SCRG1: variants seen among roughly 807,000 people sequenced by gnomAD.
SCRG1 encodes stimulator of chondrogenesis 1.
Under a neutral mutation model 7.7 loss-of-function variants are expected in SCRG1, and 3 were observed. That is an observed-to-expected ratio of 0.39 (90% confidence interval 0.18 to 1.01). SCRG1 has a LOEUF of 1.01. Ranked by LOEUF, SCRG1 falls within the 50% of genes least tolerant of loss-of-function variation. The pLI, the probability that SCRG1 is intolerant of heterozygous loss-of-function variation, is 0.36. For missense variants in SCRG1, 110 were observed against 117.2 expected (o/e 0.94, Z 0.28); for synonymous variants, 46 against 41.2 (o/e 1.12, Z -0.44).
At chr4:173,445,280 A>C in the SCRG1 span, among the ~76,000 whole-genome samples, 11 of 152,256 alleles carry the variant, frequency 7.2e-5, no homozygotes, top group Non-Finnish European at 8.8e-5. Context: ...ACCACAGAAA[A>C]TATAGAAAAT....
At chr4:173,431,717 A>G in the SCRG1 span, among the ~76,000 whole-genome samples, 25 of 152,194 alleles carry the variant, frequency 1.6e-4, no homozygotes, top group Non-Finnish European at 2.6e-4. Context: ...ATAAGAGGCA[A>G]AACTTCCAGG....
the SCRG1 span, among the ~76,000 whole-genome samples, chr4:173,486,550 A>G: frequency 6.6e-6 from 1 of 151,948 alleles, no homozygotes. Flanking sequence ...CAGCTTTTGC[A>G]TTTAACACAC....
At chr4:173,494,378 G>A in the SCRG1 span, among the ~76,000 whole-genome samples, 1 of 152,124 alleles carries the variant, frequency 6.6e-6, no homozygotes, top group African/African-American at 2.4e-5. Context: ...AGGACATTCC[G>A]TTTTCCTTTA....
At chr4:173,452,729 T>C in the SCRG1 span, among the ~76,000 whole-genome samples, 2 of 152,126 alleles carry the variant, frequency 1.3e-5, no homozygotes, top group Non-Finnish European at 2.9e-5. Context: ...AAAGGATGAG[T>C]ATGGACTGAA....
the SCRG1 span, among the ~76,000 whole-genome samples, chr4:173,461,844 C>G: frequency 6.6e-6 from 1 of 150,586 alleles, no homozygotes; most frequent in African/African-American, 2.4e-5. Context: ...AGAATTCTAT[C>G]AGCTAAATTG....
At chr4:173,496,038 G>T in the SCRG1 span, among the ~76,000 whole-genome samples, 4 of 152,136 alleles carry the variant, frequency 2.6e-5, no homozygotes, top group Non-Finnish European at 5.9e-5. Flanking sequence ...AGATATGAAG[G>T]CAAAAGAAAC....
At chr4:173,448,277 GC>G in the SCRG1 span, among the ~76,000 whole-genome samples, 1 of 152,192 alleles carries the variant, frequency 6.6e-6, no homozygotes. Flanking sequence ...GCATCTGCTG[GC>G]CTGGCCATCT....
At chr4:173,433,237 C>G in the SCRG1 span, among the ~76,000 whole-genome samples, 1 of 152,288 alleles carries the variant, frequency 6.6e-6, no homozygotes, top group Non-Finnish European at 1.5e-5. Flanking sequence ...GGAATTCACA[C>G]TGAATAAATT....
chr4:173,479,822 G>A, the SCRG1 span, among the ~76,000 whole-genome samples: 2 of 152,146 alleles, frequency 1.3e-5, no homozygotes, highest in African/African-American at 2.4e-5. Context: ...GATGACTAGC[G>A]AATTGACAAA....
At chr4:173,496,754 T>A in the SCRG1 span, among the ~76,000 whole-genome samples, 1 of 152,286 alleles carries the variant, frequency 6.6e-6, no homozygotes, top group Non-Finnish European at 1.5e-5. Flanking sequence ...TGATTAAGTA[T>A]TGCCCAGGGA....
upstream of SCRG1, among the ~76,000 whole-genome samples, chr4:173,400,142 G>C (rs1477783951): frequency 2.6e-5 from 4 of 152,132 alleles, no homozygotes; most frequent in Admixed American, 1.3e-4. Context: ...AAGAAGGATG[G>C]TTTCCTGGGA....
chr4:173,467,233 T>TG, the SCRG1 span, among the ~76,000 whole-genome samples: 2 of 9,166 alleles, frequency 2.2e-4, no homozygotes, highest in South Asian at 0.018. Flanking sequence ...AGCAGTCCAT[T>TG]GGAAAAAAAA....
intron 1 of SCRG1, among the ~76,000 whole-genome samples, chr4:173,397,275 A>G (rs896692964): frequency 6.6e-6 from 1 of 152,176 alleles, no homozygotes; most frequent in Non-Finnish European, 1.5e-5. Flanking sequence ...ATATATGTTC[A>G]AGTGCCAACA....
chr4:173,471,582 GA>G, the SCRG1 span, among the ~76,000 whole-genome samples: 12 of 148,354 alleles, frequency 8.1e-5, no homozygotes, highest in East Asian at 3.9e-4. Flanking sequence ...ATTTCAGAGT[GA>G]AAAAAAAAAT....
the SCRG1 span, among the ~76,000 whole-genome samples, chr4:173,437,534 A>G: frequency 6.6e-6 from 1 of 152,252 alleles, no homozygotes; most frequent in Non-Finnish European, 1.5e-5. Context: ...AAAAGGTCTT[A>G]TTAACTCATT....
the SCRG1 span, among the ~76,000 whole-genome samples, chr4:173,451,599 CATTTT>C: frequency 0.11 from 15,709 of 138,312 alleles, 955 homozygotes; most frequent in African/African-American, 0.13. Context: ...ACAGTGGTAC[CATTTT>C]ATTTTATTTT....
At position 173,385,524 on chromosome 4, in the gene SCRG1, T is replaced by G. The variant is rs897828150; in HGVS notation, c.*2817A>C. On this transcript the variant is annotated 3_prime_UTR_variant, in exon 3 of 3. Transcript: ENST00000296506. The stretch of plus-strand genomic sequence containing the variant: ...AAATGCATTGACCAAGTTAGAGAAA[T>G]AGTTATATAAGGTAAGTTGTGTGAA... The G allele has an allele frequency of 3.9e-4, 59 of 151,728 alleles. No homozygotes were observed. Among genetic ancestry groups the G allele is most frequent in the African/African-American group, 1.3e-3 (55 of 41,374 alleles). 9.4% of individuals were successfully genotyped at this position (151,728 alleles called of 1,614,324 possible).
chr4:173,484,926 A>ACATAT, the SCRG1 span, among the ~76,000 whole-genome samples: 4 of 53,542 alleles, frequency 7.5e-5, no homozygotes, highest in African/African-American at 1.6e-4. Flanking sequence ...TTTAGATATT[A>ACATAT]TATATTATAT....
the SCRG1 span, among the ~76,000 whole-genome samples, chr4:173,432,242 T>C: frequency 2.7e-5 from 4 of 149,680 alleles, no homozygotes; most frequent in South Asian, 8.8e-4. Flanking sequence ...TTCTTTCCTT[T>C]CTTCCTTCTT....
Sources: gnomAD v4.1 joint callset for allele counts (sites outside exome capture counted in the v4.1 genomes callset) on GRCh38, gnomAD v4.1.1 for gene constraint, MANE v1.5 for transcripts, NCBI Gene and HGNC (gene_info 2026-07-23, HGNC 2026-07-21) for gene names.